The following NRK variants were observed in gnomAD, a reference collection of about 807,000 sequenced individuals.
NRK encodes Nik related kinase, also known as nik-related protein kinase.
A neutral mutation model predicts 125.2 loss-of-function variants in NRK; 67 were observed. The observed-to-expected ratio is 0.54, with a 90% CI of 0.44 to 0.66. The LOEUF is 0.66. Among genes scored for constraint, NRK ranks in the 30% least tolerant of loss-of-function variants. NRK has a pLI of 0.00. For missense variants in NRK, 1,224 were observed against 1,192.9 expected (o/e 1.03, Z -0.38); for synonymous variants, 458 against 429.0 (o/e 1.07, Z -0.84).
intron 1 of NRK, among the ~76,000 whole-genome samples, chrX:105,830,068 G>T (rs1466318369): frequency 9.2e-6 from 1 of 109,187 alleles, no homozygotes; most frequent in Non-Finnish European, 1.9e-5. Flanking sequence ...CATCGGCTGG[G>T]CGCAGTGGCT....
At chrX:105,898,301 T>C (rs2040111013) in intron 7 of NRK, among the ~76,000 whole-genome samples, 2 of 111,586 alleles carry the variant, frequency 1.8e-5, no homozygotes, top group Admixed American at 9.6e-5. Context: ...TTTCGGAGGT[T>C]CAGAGTGTCC....
At chrX:105,887,480 G>A (rs2039962447) in intron 4 of NRK, among the ~76,000 whole-genome samples, 1 of 111,871 alleles carries the variant, frequency 8.9e-6, no homozygotes. Context: ...ATTGCTCTTG[G>A]TAATGCAAAA....
intron 9 of NRK, among the ~76,000 whole-genome samples, chrX:105,903,751 C>T (rs768605913): frequency 1.8e-5 from 2 of 111,604 alleles, no homozygotes; most frequent in Non-Finnish European, 3.8e-5. Flanking sequence ...TAGTCTGTGT[C>T]CTAGCTCTTG....
At chrX:105,855,156 A>G (rs1250318219) in intron 2 of NRK, among the ~76,000 whole-genome samples, 1 of 111,500 alleles carries the variant, frequency 9.0e-6, no homozygotes, top group Admixed American at 9.6e-5. Context: ...AACAGAGGGG[A>G]AGAGAGGGAA....
intron 2 of NRK, among the ~76,000 whole-genome samples, chrX:105,862,620 G>C (rs547216078): frequency 8.9e-6 from 1 of 111,953 alleles, no homozygotes; most frequent in Admixed American, 9.5e-5. Context: ...AATAGCAATG[G>C]ACAACAAAAT....
intron 8 of NRK, among the ~76,000 whole-genome samples, chrX:105,899,812 C>G (rs1394017970): frequency 9.1e-6 from 1 of 110,296 alleles, no homozygotes; most frequent in African/African-American, 3.3e-5. Flanking sequence ...ACTAAAAATA[C>G]AAAAAATTAG....
intron 2 of NRK, among the ~76,000 whole-genome samples, chrX:105,861,942 A>G (rs183660395): frequency 3.4e-4 from 38 of 111,314 alleles, no homozygotes; most frequent in East Asian, 2.0e-3. Flanking sequence ...ACGCGCCTGT[A>G]ATCCCAGCTA....
At position 105,946,305 on chromosome X, in the gene NRK, A is replaced by G. The variant is rs1216736745; in HGVS notation, c.4204-10A>G. 8.4e-7 allele frequency: 1 copy of G among 1,187,969 alleles called. No individual in the cohort carries two copies. The highest frequency in any genetic ancestry group is 1.9e-5 in the South Asian group (1 of 53,202). Reference sequence around the variant, plus strand: ...TGGCCTTTTGGCCATATTTGGTTTTATATTCACAGGTATTTCCAACACTTG... The same window carrying G: ...TGGCCTTTTGGCCATATTTGGTTTTGTATTCACAGGTATTTCCAACACTTG... On this transcript the variant is annotated splice_polypyrimidine_tract_variant and intron_variant, in intron 25 of 28. Transcript: ENST00000243300.
intron 23 of NRK, among the ~76,000 whole-genome samples, chrX:105,940,413 G>T (rs1169876829): frequency 3.6e-5 from 4 of 109,670 alleles, no homozygotes; most frequent in Non-Finnish European, 5.7e-5. Flanking sequence ...TATATAAATG[G>T]TCTTGATTTA....
intron 13 of NRK, among the ~76,000 whole-genome samples, chrX:105,911,486 G>T (rs1169139776): frequency 9.0e-6 from 1 of 111,419 alleles, no homozygotes; most frequent in African/African-American, 3.3e-5. Flanking sequence ...AATTTTATCT[G>T]AGTATCTAGA....
At chrX:105,902,736 A>ACT (rs1413258774) in intron 9 of NRK, among the ~76,000 whole-genome samples, 1 of 111,552 alleles carries the variant, frequency 9.0e-6, no homozygotes, top group African/African-American at 3.3e-5. Context: ...TTCTTCTAGG[A>ACT]GTGGGAACCC....
rs1431486689 is a variant in NRK at position 105,909,636 on chromosome X, G to C, written c.1995G>C (p.Leu665=). The change falls in exon 13 of 29, where the codon CTG becomes CTC. Residue 665 remains leucine (L), a synonymous_variant. Coordinates refer to ENST00000243300, the MANE Select transcript of NRK (RefSeq NM_198465.4). ...AGCCACTTGGTCCGTTGCAAACCCT[G>C]ATGGAAAATCTGTCATCAAATAGGT... ...NSKPLGPLQT[L]MENLSSNRFY... 1 of 1,201,708 alleles carries C rather than the reference G, an allele frequency of 8.3e-7. No homozygotes were observed. Among genetic ancestry groups the C allele is most frequent in the Admixed American group, 2.2e-5 (1 of 44,728 alleles).
At chrX:105,893,763 A>G in intron 5 of NRK, 69 bp from the exon 6 acceptor site, 1 of 637,851 alleles carries the variant, frequency 1.6e-6, no homozygotes, top group Non-Finnish European at 2.6e-6. Context: ...AGCCATATGG[A>G]CTAAAACTCT....
chrX:105,837,459 C>T (rs2039280698), intron 2 of NRK, among the ~76,000 whole-genome samples: 1 of 111,495 alleles, frequency 9.0e-6, no homozygotes, highest in African/African-American at 3.3e-5. Context: ...CAGCTTGTTT[C>T]CAAGGCTTCG....
At chrX:105,870,621 G>A (rs1360279293) in intron 2 of NRK, among the ~76,000 whole-genome samples, 3 of 111,807 alleles carry the variant, frequency 2.7e-5, no homozygotes, top group Non-Finnish European at 3.8e-5. Flanking sequence ...GTGCTATAGC[G>A]TAATAGAGAG....
At chrX:105,927,838 A>G (rs374201858) in intron 19 of NRK, among the ~76,000 whole-genome samples, 4 of 111,458 alleles carry the variant, frequency 3.6e-5, no homozygotes, top group African/African-American at 1.3e-4. Context: ...ACACTCAATC[A>G]TGGTGTATAA....
chrX:105,851,674 A>T (rs768893023), intron 2 of NRK, among the ~76,000 whole-genome samples: 2 of 111,730 alleles, frequency 1.8e-5, no homozygotes, highest in South Asian at 7.6e-4. Context: ...AGAGTTTTGT[A>T]ACAAGGGTAG....
intron 2 of NRK, among the ~76,000 whole-genome samples, chrX:105,850,433 A>AT (rs1396304091): frequency 8.9e-6 from 1 of 112,131 alleles, no homozygotes; most frequent in African/African-American, 3.2e-5. Flanking sequence ...GGTGATTAGC[A>AT]TTTGGCTCCT....
At position 105,934,264 on chromosome X, in the gene NRK, G is replaced by C; in HGVS notation, c.3319G>C (p.Gly1107Arg). Residue 1107 changes from glycine (G) to arginine (R), a missense_variant, in exon 20 of 29, where the codon GGT (glycine) becomes CGT (arginine). By Grantham distance (125) the Gly-to-Arg change is moderately radical (BLOSUM62 -2). Coordinates refer to ENST00000243300, the MANE Select transcript of NRK (RefSeq NM_198465.4). ...QDFEYLQEEP[G>R]GGNEASNAID... Reference sequence around the variant, plus strand: ...GTTTTTGGACTTCTTTTAGGAGCCAGGTGGTGGAAATGAGGCCTCAAATGC... The same window carrying C: ...GTTTTTGGACTTCTTTTAGGAGCCACGTGGTGGAAATGAGGCCTCAAATGC... 1.7e-6 allele frequency: 2 copies of C among 1,167,852 alleles called. No homozygotes were observed. Among genetic ancestry groups the C allele is most frequent in the South Asian group, 4.0e-5 (2 of 49,636 alleles).
Sources: allele counts gnomAD v4.1 joint callset (sites outside exome capture counted in the v4.1 genomes callset), GRCh38; gene constraint gnomAD v4.1.1; transcripts MANE v1.5; gene names NCBI Gene and HGNC (gene_info 2026-07-23, HGNC 2026-07-21).